The following PRUNE2 variants were observed in gnomAD, a reference collection of about 807,000 sequenced individuals.
PRUNE2 encodes protein prune homolog 2.
Under a neutral mutation model 252.0 loss-of-function variants are expected in PRUNE2, and 164 were observed. The observed-to-expected ratio is 0.65, with a 90% confidence interval of 0.57 to 0.74. The LOEUF (loss-of-function observed/expected upper bound fraction) is 0.74. PRUNE2 is among the 30% of genes least tolerant of loss of function. PRUNE2 has a pLI of 0.00. For synonymous variants in PRUNE2, 1,292 were observed against 1,350.2 expected, an observed-to-expected ratio of 0.96 and a Z score of 0.94; for missense variants, 3,495 against 3,711.0, an observed-to-expected ratio of 0.94 and a Z score of 1.51.
At chr9:76,861,880 A>G (rs1490534736) in intron 1 of PRUNE2, among the ~76,000 whole-genome samples, 1 of 149,104 alleles carries the variant, frequency 6.7e-6, no homozygotes, top group African/African-American at 2.5e-5. Flanking sequence ...TTTTTCTTCC[A>G]TCACAAAAAG....
chr9:76,782,537 T>A (rs1409405832), intron 6 of PRUNE2: 1 of 152,208 alleles, frequency 6.6e-6, no homozygotes, highest in Non-Finnish European at 1.5e-5. Flanking sequence ...ATTAAATGAG[T>A]TAATTTTTGT....
rs1827555062 is a variant in PRUNE2, at chr9:76,611,890, C to T, written c.*2680G>A. On this transcript the variant is annotated 3_prime_UTR_variant, in exon 19 of 19. Transcript: ENST00000376718. ...AGAAACAATGCTTTTGCCCCAATGA[C>T]CCCTTGGTTCCCTTAACTACAGATC... The T allele has an allele frequency of 6.6e-6, 1 of 152,598 alleles. No individual in the cohort carries two copies. Among genetic ancestry groups the T allele is most frequent in the Non-Finnish European group, 1.5e-5 (1 of 68,018 alleles). The allele number at this position is 152,598 out of a possible 1,614,324, so 9.5% of individuals were successfully genotyped here. A position where few individuals can be genotyped will look rare whatever the true frequency, so the allele number is the denominator to read the frequency against.
chr9:76,844,994 C>G (rs546498749), intron 4 of PRUNE2, among the ~76,000 whole-genome samples: 2 of 124,636 alleles, frequency 1.6e-5, no homozygotes, highest in Non-Finnish European at 3.2e-5. Flanking sequence ...TGAGACCCCC[C>G]TCTCTTAAAA....
intron 6 of PRUNE2, among the ~76,000 whole-genome samples, chr9:76,727,984 G>A (rs1318388226): frequency 4.6e-5 from 7 of 152,024 alleles, no homozygotes; most frequent in Admixed American, 1.3e-4. Flanking sequence ...CCAAGGTACT[G>A]GGATTACAGG....
At chr9:76,718,376 CT>C (rs1476266878) in intron 6 of PRUNE2, among the ~76,000 whole-genome samples, 1 of 152,192 alleles carries the variant, frequency 6.6e-6, no homozygotes, top group Non-Finnish European at 1.5e-5. Context: ...CTCAGTCCCC[CT>C]GGTGGGGGAT....
chr9:76,809,059 C>A (rs180898972), intron 6 of PRUNE2: 1 of 152,410 alleles, frequency 6.6e-6, no homozygotes, highest in East Asian at 1.9e-4. Flanking sequence ...CCACCTTCTA[C>A]CACCCCCTCC....
At chr9:76,738,263 T>C (rs1222116221) in intron 6 of PRUNE2, 1 of 152,212 alleles carries the variant, frequency 6.6e-6, no homozygotes, top group Non-Finnish European at 1.5e-5. Context: ...ACACGGGTTT[T>C]TTCACTAAAT....
intron 6 of PRUNE2, among the ~76,000 whole-genome samples, chr9:76,751,792 C>T (rs1032425064): frequency 6.6e-6 from 1 of 152,174 alleles, no homozygotes; most frequent in Non-Finnish European, 1.5e-5. Flanking sequence ...AAGGATAGGG[C>T]TATTTAGATT....
chr9:76,637,380 A>G (rs758513122), intron 14 of PRUNE2, 38 bp downstream of exon 14: 2 of 1,608,124 alleles, frequency 1.2e-6, no homozygotes, highest in African/African-American at 2.7e-5. Context: ...TCAGTTTACC[A>G]AAATCAAAAT....
At chr9:76,809,429 G>C (rs1803753484) in intron 6 of PRUNE2, among the ~76,000 whole-genome samples, 1 of 152,220 alleles carries the variant, frequency 6.6e-6, no homozygotes, top group Admixed American at 6.5e-5. Flanking sequence ...TGGGCGCAGT[G>C]GCTCACGCCT....
chr9:76,631,554 C>T (rs1420920408), intron 15 of PRUNE2, among the ~76,000 whole-genome samples: 2 of 152,194 alleles, frequency 1.3e-5, no homozygotes, highest in Non-Finnish European at 2.9e-5. Flanking sequence ...GCAATTGTAT[C>T]CTGTTATTGT....
intron 9 of PRUNE2, among the ~76,000 whole-genome samples, chr9:76,668,742 T>A (rs1405949900): frequency 6.6e-6 from 1 of 151,910 alleles, no homozygotes; most frequent in African/African-American, 2.4e-5. Flanking sequence ...TCATTCCACA[T>A]CTTCCTTTTG....
chr9:76,838,645 C>CAAAAAAAAAAAAAAAAAAA (rs10540002), intron 4 of PRUNE2, among the ~76,000 whole-genome samples: 1 of 84,654 alleles, frequency 1.2e-5, no homozygotes, highest in African/African-American at 3.9e-5. Context: ...AACTCTGTCT[C>CAAAAAAAAAAAAAAAAAAA]AAAAAAAAAA....
intron 6 of PRUNE2, among the ~76,000 whole-genome samples, chr9:76,751,834 T>C (rs1448619111): frequency 6.6e-6 from 1 of 152,182 alleles, no homozygotes; most frequent in Non-Finnish European, 1.5e-5. Flanking sequence ...GTCAGAAAAC[T>C]AGTGGTGGTT....
Position 76,709,166 on chromosome 9 carries a change from A to G in PRUNE2, c.3108T>C (p.Pro1036=). 6.2e-7 allele frequency: 1 copy of G among 1,613,920 alleles called. No individual in the cohort carries two copies. The highest frequency in any genetic ancestry group is 8.5e-7 in the Non-Finnish European group (1 of 1,179,874). Residue 1036 remains proline (P), a synonymous_variant, in exon 8 of 19, where the codon CCT becomes CCC. Coordinates refer to ENST00000376718, the MANE Select transcript of PRUNE2 (RefSeq NM_015225.3). ...GPGNLDMWAS[P]HTDNSSEINT... ...TTATTTCAGAACTGTTATCTGTATG[A>G]GGTGAAGCCCACATGTCTAGGTTCC...
At chr9:76,851,544 T>C (rs2059961184) in intron 2 of PRUNE2, among the ~76,000 whole-genome samples, 1 of 132,368 alleles carries the variant, frequency 7.6e-6, no homozygotes, top group Non-Finnish European at 1.6e-5. Flanking sequence ...CAAGACTCTG[T>C]CTCGGAAAAA....
rs1160112404 is a variant in PRUNE2 at position 76,854,157 on chromosome 9, A to G, written c.88T>C (p.Cys30Arg). 9 of 1,606,254 alleles carry G rather than the reference A, an allele frequency of 5.6e-6. No homozygotes were observed. The highest frequency in any genetic ancestry group is 6.0e-6 in the Non-Finnish European group (7 of 1,174,968). ...GTAGAAATGAGAGAATCCAAGTCAC[A>G]CGATTTAGGCCCAATAACCACATGG... ...KVHVVIGPKS[C>R]DLDSLISTFT... The change falls in exon 2 of 19, where the codon TGT becomes CGT. Residue 30 changes from cysteine to arginine, a missense_variant. Coordinates refer to ENST00000376718, the MANE Select transcript of PRUNE2 (RefSeq NM_015225.3).
intron 6 of PRUNE2, among the ~76,000 whole-genome samples, chr9:76,750,396 T>C (rs2050510134): frequency 6.6e-6 from 1 of 152,146 alleles, no homozygotes; most frequent in African/African-American, 2.4e-5. Flanking sequence ...TTAATTGAAT[T>C]ACAGAACACC....
intron 6 of PRUNE2, among the ~76,000 whole-genome samples, chr9:76,748,221 G>A (rs182925784): frequency 4.1e-4 from 63 of 152,192 alleles, no homozygotes; most frequent in African/African-American, 1.5e-3. Context: ...AAGCTTTGGG[G>A]AGAAAAGATA....
Sources: gnomAD v4.1 joint callset for allele counts (sites outside exome capture counted in the v4.1 genomes callset) on GRCh38, gnomAD v4.1.1 for gene constraint, MANE v1.5 for transcripts, NCBI Gene and HGNC (gene_info 2026-07-23, HGNC 2026-07-21) for gene names.